The following EYS variants were observed in gnomAD, a reference collection of about 807,000 sequenced individuals.
EYS encodes EGF-like photoreceptor maintenance factor, also known as protein eyes shut homolog.
A neutral mutation model predicts 282.1 loss-of-function variants in EYS; 250 were observed. The observed-to-expected ratio is 0.89, with a 90% CI of 0.80 to 0.98. The LOEUF is 0.98. Ranked by LOEUF, EYS falls within the 50% of genes least tolerant of loss-of-function variation. The pLI is 0.00. For missense variants in EYS, 4,016 were observed against 3,709.0 expected (o/e 1.08, Z -2.15); for synonymous variants, 1,355 against 1,282.9 (o/e 1.06, Z -1.20).
At chr6:64,252,645 G>A (rs541245307) in intron 30 of EYS, among the ~76,000 whole-genome samples, 34 of 152,128 alleles carry the variant, frequency 2.2e-4, no homozygotes, top group Admixed American at 2.1e-3. Flanking sequence ...CTAATCTCTC[G>A]GCCTTCAAAC....
intron 35 of EYS, among the ~76,000 whole-genome samples, chr6:63,974,965 C>T (rs776181236): frequency 1.3e-4 from 19 of 151,840 alleles, no homozygotes; most frequent in Non-Finnish European, 2.4e-4. Flanking sequence ...GTAAGAGTTA[C>T]GCTCTTCAAA....
At chr6:65,215,179 T>A (rs913237624) in intron 12 of EYS, among the ~76,000 whole-genome samples, 11 of 152,156 alleles carry the variant, frequency 7.2e-5, no homozygotes, top group Admixed American at 2.0e-4. Flanking sequence ...TAGATAGTGA[T>A]TCCACTTATG....
At chr6:65,388,862 C>T (rs370194364) in intron 7 of EYS, among the ~76,000 whole-genome samples, 3 of 152,036 alleles carry the variant, frequency 2.0e-5, no homozygotes, top group African/African-American at 7.2e-5. Flanking sequence ...AAAATAATCA[C>T]AATCTGTTTT....
intron 26 of EYS, among the ~76,000 whole-genome samples, chr6:64,576,964 A>C (rs1765900264): frequency 6.6e-6 from 1 of 152,072 alleles, no homozygotes; most frequent in African/African-American, 2.4e-5. Flanking sequence ...ATCCATTATG[A>C]CTGGTGTTCT....
At chr6:65,546,425 CAT>C (rs749963890) in intron 2 of EYS, among the ~76,000 whole-genome samples, 3 of 151,590 alleles carry the variant, frequency 2.0e-5, no homozygotes, top group South Asian at 2.1e-4. Flanking sequence ...ATAAAATAAA[CAT>C]ATGTCATTCA....
chr6:64,063,892 ATTT>A (rs542874858), intron 33 of EYS, among the ~76,000 whole-genome samples: 1 of 151,628 alleles, frequency 6.6e-6, no homozygotes, highest in Non-Finnish European at 1.5e-5. Flanking sequence ...ACCATGCCTA[ATTT>A]TTTTGTATTT....
chr6:64,557,817 T>A (rs1298006159), intron 26 of EYS, among the ~76,000 whole-genome samples: 1 of 152,078 alleles, frequency 6.6e-6, no homozygotes, highest in Non-Finnish European at 1.5e-5. Context: ...CAGAACACAA[T>A]CAGATTCATT....
At chr6:64,299,167 G>A (rs1467814516) in intron 30 of EYS, among the ~76,000 whole-genome samples, 1 of 152,202 alleles carries the variant, frequency 6.6e-6, no homozygotes, top group Non-Finnish European at 1.5e-5. Context: ...ATGTAAGGGA[G>A]TTTATCTACA....
chr6:64,785,019 G>A (rs193203691), intron 22 of EYS, among the ~76,000 whole-genome samples: 286 of 152,132 alleles, frequency 1.9e-3, no homozygotes, highest in Non-Finnish European at 3.2e-3. Flanking sequence ...CCAGTGACTT[G>A]GGAGACTGAG....
chr6:64,195,135 T>A (rs1765243485), intron 31 of EYS, among the ~76,000 whole-genome samples: 1 of 152,206 alleles, frequency 6.6e-6, no homozygotes, highest in South Asian at 2.1e-4. Flanking sequence ...CATCACTGTT[T>A]TTTGCATATT....
intron 31 of EYS, among the ~76,000 whole-genome samples, chr6:64,215,749 T>C (rs770200985): frequency 2.0e-5 from 3 of 152,128 alleles, no homozygotes; most frequent in Non-Finnish European, 4.4e-5. Flanking sequence ...ATAAAAGCAA[T>C]GTGGTCACTT....
chr6:65,318,901 G>A (rs1402102904), intron 11 of EYS, among the ~76,000 whole-genome samples: 3 of 150,320 alleles, frequency 2.0e-5, no homozygotes, highest in Admixed American at 1.3e-4. Flanking sequence ...CTTGGCCTGC[G>A]AAAGTGCTGG....
At chr6:64,817,832 T>C (rs975553417) in intron 21 of EYS, among the ~76,000 whole-genome samples, 3 of 152,196 alleles carry the variant, frequency 2.0e-5, no homozygotes, top group Admixed American at 6.5e-5. Context: ...CCATATTTTC[T>C]TTATCCAATC....
In EYS at chr6:64,055,722, C is replaced by A. The variant is rs778017945; in HGVS notation, c.6725+10616G>T. On this transcript the variant is annotated intron_variant, in intron 33 of 42. Transcript: ENST00000503581. ...TGGTTTTGGTATGATGAGTATTTAGCTGTTCTTCTGAAGCGTCACTGTTTC... is the reference window on the plus strand; with the variant it reads ...TGGTTTTGGTATGATGAGTATTTAGATGTTCTTCTGAAGCGTCACTGTTTC... 5.6e-4 allele frequency among the ~76,000 whole-genome samples: 86 copies of A among 152,278 alleles called. 3 individuals carry two copies. The highest frequency in any genetic ancestry group is 6.6e-4 in the Non-Finnish European group (45 of 68,032).
At chr6:65,546,781 G>A (rs1321188230) in intron 2 of EYS, among the ~76,000 whole-genome samples, 1 of 151,930 alleles carries the variant, frequency 6.6e-6, no homozygotes, top group Admixed American at 6.6e-5. Flanking sequence ...CTGTTGGCCG[G>A]GGCGGTCTTG....
At chr6:65,514,001 G>T (rs1011521983) in intron 2 of EYS, among the ~76,000 whole-genome samples, 5 of 152,236 alleles carry the variant, frequency 3.3e-5, no homozygotes, top group African/African-American at 1.2e-4. Context: ...AAGTCAAATT[G>T]TCCCTGTTTG....
chr6:64,212,659 G>A (rs1186012935), intron 31 of EYS, among the ~76,000 whole-genome samples: 8 of 151,896 alleles, frequency 5.3e-5, no homozygotes, highest in Non-Finnish European at 1.0e-4. Flanking sequence ...TACACTGTTG[G>A]TGGGAGTGTA....
intron 19 of EYS, among the ~76,000 whole-genome samples, chr6:64,878,119 G>A (rs904254841): frequency 1.2e-4 from 18 of 152,186 alleles, no homozygotes; most frequent in South Asian, 4.2e-4. Flanking sequence ...CGTAATCCCA[G>A]CTACTTGGGA....
chr6:64,565,974 A>C lies in EYS; in HGVS notation c.5644+24249T>G, dbSNP rs187482612. Reference sequence around the variant, plus strand: ...ACAAATTAAAAAAAAAAAAAACACCAAGCATTCAAAGTACAAATTAGTGCA... The same window carrying C: ...ACAAATTAAAAAAAAAAAAAACACCCAGCATTCAAAGTACAAATTAGTGCA... On this transcript the variant is annotated intron_variant, in intron 26 of 42. Coordinates refer to ENST00000503581, the MANE Select transcript of EYS (RefSeq NM_001142800.2). 9.2e-5 allele frequency among the ~76,000 whole-genome samples: 14 copies of C among 151,382 alleles called. No individual in the cohort carries two copies. In the East Asian group the frequency reaches 2.5e-3, roughly 27 times the overall value.
Sources: allele counts gnomAD v4.1 joint callset (sites outside exome capture counted in the v4.1 genomes callset), GRCh38; gene constraint gnomAD v4.1.1; transcripts MANE v1.5; gene names NCBI Gene and HGNC (gene_info 2026-07-23, HGNC 2026-07-21).